The following WDR45 variants were observed in gnomAD, a reference collection of about 807,000 sequenced individuals.
WDR45 encodes the protein WD repeat domain phosphoinositide-interacting protein 4.
A neutral mutation model predicts 27.3 loss-of-function variants in WDR45; 2 were observed. The observed-to-expected ratio is 0.07, with a 90% CI of 0.03 to 0.23. WDR45 has a LOEUF of 0.23. Among genes scored for constraint, WDR45 ranks in the 10% least tolerant of loss-of-function variants. The pLI is 1.00. For missense variants in WDR45, 175 were observed against 311.9 expected, an observed-to-expected ratio of 0.56 and a Z score of 3.31; for synonymous variants, 99 against 119.2, an observed-to-expected ratio of 0.83 and a Z score of 1.11.
Position 49,094,937 on chromosome X carries a change from C to T in WDR45, c.-18+5268G>A, listed in dbSNP as rs184700019. ...CCTAGTAGCTGGGATTACAGGCATG[C>T]ACCACCACGCCTGGCTAATTTTGTA... On this transcript the variant is annotated intron_variant, in intron 2 of 11. Transcript: ENST00000356463. Among the ~76,000 whole-genome samples, 1,086 of 110,004 alleles carry T rather than the reference C, an allele frequency of 9.9e-3. 5 individuals are homozygous for T. The highest frequency in any genetic ancestry group is 0.019 in the Middle Eastern group (4 of 214).
In WDR45 at chrX:49,074,796, A is replaced by AG. The variant is rs782393611; in HGVS notation, c.*6dup. On this transcript the variant is annotated 3_prime_UTR_variant, in exon 11 of 11. Coordinates refer to ENST00000376372, the MANE Select transcript of WDR45 (RefSeq NM_001029896.2). ...ACTGCAGGTCCCTAGCACAGCCCCCAGGGTCCTTAAAAGTCATCATCATCA... is the reference window on the plus strand; with the variant it reads ...ACTGCAGGTCCCTAGCACAGCCCCCAGGGGTCCTTAAAAGTCATCATCATCA... 5.8e-6 allele frequency: 7 copies of AG among 1,199,005 alleles called. No homozygotes were observed. Among genetic ancestry groups the AG allele is most frequent in the Non-Finnish European group, 6.8e-6 (6 of 885,537 alleles).
Position 49,075,162 on chromosome X carries a change from G to C in WDR45, c.947C>G (p.Thr316Ser), listed in dbSNP as rs781794138. Residue 316 changes from threonine to serine, a missense_variant, in exon 10 of 11, where the codon ACT becomes AGT. Thr to Ser is a moderately conservative substitution (Grantham distance 58, BLOSUM62 1). Transcript: ENST00000376372. The stretch of plus-strand genomic sequence containing the variant: ...AATGACAGAGTTGACGTTCTTGGAA[G>C]TATTGCGACCGAAGGCGCAGATGCA... ...SACICAFGRN[T>S]SKNVNSVIAI... The C allele has an allele frequency of 5.0e-6, 6 of 1,211,210 alleles. No individual in the cohort carries two copies. The South Asian group carries it at 1.1e-4, about 21-fold the overall frequency.
intron 2 of WDR45, among the ~76,000 whole-genome samples, chrX:49,099,246 C>T (rs1242127432): frequency 9.1e-6 from 1 of 109,302 alleles, no homozygotes; most frequent in Non-Finnish European, 1.9e-5. Flanking sequence ...ATCGCTTGAA[C>T]CCGGGAGGCA....
chrX:49,092,068 C>T (rs1373887795), intron 2 of WDR45, among the ~76,000 whole-genome samples: 17 of 83,448 alleles, frequency 2.0e-4, no homozygotes, highest in African/African-American at 7.3e-4. Context: ...TTGCAGTGAG[C>T]GAGACCACGC....
upstream of WDR45, among the ~76,000 whole-genome samples, chrX:49,081,693 A>G (rs1255218600): frequency 1.9e-5 from 2 of 103,952 alleles, no homozygotes; most frequent in Non-Finnish European, 4.0e-5. Context: ...TCCCGTCTCA[A>G]AAAAAAAGGG....
At chrX:49,096,497 T>C (rs1411442086) in intron 2 of WDR45, among the ~76,000 whole-genome samples, 1 of 112,188 alleles carries the variant, frequency 8.9e-6, no homozygotes, top group African/African-American at 3.2e-5. Context: ...TCCCAAAATG[T>C]TGGCATTATA....
At chrX:49,100,304 G>C (rs1441880508) in exon 2 of WDR45, 1 of 105,686 alleles carries the variant, frequency 9.5e-6, no homozygotes, top group African/African-American at 3.5e-5. Context: ...GCGCGATCTC[G>C]GCTCACTGCA....
At position 49,098,444 on chromosome X, in the gene WDR45, C is replaced by G. The variant is rs1461064047; in HGVS notation, c.-18+1761G>C. On this transcript the variant is annotated intron_variant, in intron 2 of 11. Transcript: ENST00000356463. The stretch of plus-strand genomic sequence containing the variant: ...CTGGGAGGCGGAGGTTGCAGTGAGT[C>G]AAGACCGTGCCACTAAACTCCAGCC... Among the ~76,000 whole-genome samples, 3 of 103,493 alleles carry G rather than the reference C, an allele frequency of 2.9e-5. No individual in the cohort carries two copies. In the Admixed American group the frequency reaches 3.3e-4, roughly 11 times the overall value. 89.9% of individuals were successfully genotyped at this position (103,493 alleles called of 115,157 possible). A position where few individuals can be genotyped will look rare whatever the true frequency, so the allele number is the denominator to read the frequency against.
chrX:49,076,547 G>T (rs2065038835), intron 5 of WDR45, 23 bp from the exon 6 acceptor site: 2 of 1,208,171 alleles, frequency 1.7e-6, no homozygotes, highest in East Asian at 5.9e-5. Context: ...CACAACACAG[G>T]ATGGCCGTGA....
At chrX:49,093,118 C>T (rs1042235162) in intron 2 of WDR45, among the ~76,000 whole-genome samples, 1 of 110,320 alleles carries the variant, frequency 9.1e-6, no homozygotes, top group Admixed American at 9.8e-5. Flanking sequence ...GTATTAGAGA[C>T]GGGGTTTCAC....
chrX:49,092,800 A>G (rs2147827405), intron 2 of WDR45, among the ~76,000 whole-genome samples: 1 of 112,242 alleles, frequency 8.9e-6, no homozygotes, highest in Admixed American at 9.6e-5. Context: ...TATTTCCCTC[A>G]AACAATTTAA....
chrX:49,075,272 G>A lies in WDR45; in HGVS notation c.837C>T (p.Arg279=), dbSNP rs782638762. The change falls in exon 10 of 11, where the codon CGC becomes CGT. Residue 279 remains arginine, a synonymous_variant. Coordinates refer to ENST00000376372, the MANE Select transcript of WDR45 (RefSeq NM_001029896.2). ...CAATCATAGGCCCCACCTTGCCCAC[G>A]CGAGCCAGCCTGCAGGCAGCACTGG... ...TRLNRRSALA[R]VGKVGPMIGQ... The A allele has an allele frequency of 2.5e-6, 3 of 1,209,558 alleles. No homozygotes were observed. The highest frequency in any genetic ancestry group is 3.0e-5 in the East Asian group (1 of 33,748).
At chrX:49,096,841 C>T (rs1343684036) in intron 2 of WDR45, among the ~76,000 whole-genome samples, 1 of 111,954 alleles carries the variant, frequency 8.9e-6, no homozygotes, top group Admixed American at 9.6e-5. Context: ...ACAACCTCCG[C>T]TTCCTGGGTT....
intron 2 of WDR45, among the ~76,000 whole-genome samples, chrX:49,096,214 A>G (rs192531773): frequency 3.4e-3 from 382 of 111,242 alleles, no homozygotes; most frequent in African/African-American, 0.012. Context: ...TCCAAGCATC[A>G]TGAGTAACTC....
intron 2 of WDR45, among the ~76,000 whole-genome samples, chrX:49,097,662 A>AT (rs145129060): frequency 4.7e-4 from 44 of 94,323 alleles, no homozygotes; most frequent in Admixed American, 2.8e-3. Context: ...TATTATTATT[A>AT]TTTTTTTTTT....
intron 2 of WDR45, among the ~76,000 whole-genome samples, chrX:49,088,723 C>G (rs1569523855): frequency 8.9e-6 from 1 of 111,795 alleles, no homozygotes; most frequent in Non-Finnish European, 1.9e-5. Flanking sequence ...TAAACAGGCT[C>G]ATAGTAGCTC....
At chrX:49,080,828 G>T (rs1419565618), upstream of WDR45, among the ~76,000 whole-genome samples, 8 of 104,231 alleles carry the variant, frequency 7.7e-5, no homozygotes, top group Admixed American at 2.1e-4. Flanking sequence ...AAAAAAAAGA[G>T]GTCCTACCTA....
At position 49,089,786 on chromosome X, in the gene WDR45, C is replaced by CAAA. The variant is rs782204856; in HGVS notation, c.-18+10416_-18+10418dup. Among the ~76,000 whole-genome samples, 49 of 72,929 alleles carry CAAA rather than the reference C, an allele frequency of 6.7e-4. 2 individuals carry two copies. The South Asian group carries it at 0.011, about 16-fold the overall frequency. The allele number at this position is 72,929 out of a possible 115,157, so 63.3% of individuals were successfully genotyped here. A position where few individuals can be genotyped will look rare whatever the true frequency, so the allele number is the denominator to read the frequency against. ...TGGGTGACAGAGCAAAACCTTATCT[C>CAAA]AAAAAAAAAAAAAAAAAGAAAAGAA... On this transcript the variant is annotated intron_variant, in intron 2 of 11. Coordinates refer to the WDR45 transcript ENST00000356463.
intron 2 of WDR45, among the ~76,000 whole-genome samples, chrX:49,090,630 TG>T (rs1279572730): frequency 1.8e-5 from 2 of 110,075 alleles, no homozygotes; most frequent in Admixed American, 9.7e-5. Flanking sequence ...CTCCGCCTCC[TG>T]GGTTCAAGCA....
Sources: allele counts gnomAD v4.1 joint callset (sites outside exome capture counted in the v4.1 genomes callset), GRCh38; gene constraint gnomAD v4.1.1; transcripts MANE v1.5; gene names NCBI Gene and HGNC (gene_info 2026-07-23, HGNC 2026-07-21).